ECHDC1: variants seen among roughly 807,000 people sequenced by gnomAD.
ECHDC1 encodes ethylmalonyl-CoA decarboxylase 1, also known as ethylmalonyl-CoA decarboxylase.
ECHDC1 carries 29 observed loss-of-function variants against 29.7 expected under a neutral mutation model. The observed-to-expected ratio is 0.98, with a 90% CI of 0.73 to 1.33. The LOEUF is 1.33. Among genes scored for constraint, ECHDC1 ranks in the 40% most tolerant of loss-of-function variants. The probability of loss-of-function intolerance (pLI) is 0.00; values close to 1 mark genes in which losing one functional copy is unlikely to be tolerated. For missense variants in ECHDC1, 328 were observed against 350.0 expected, an observed-to-expected ratio of 0.94 and a Z score of 0.50; for synonymous variants, 126 against 123.1, an observed-to-expected ratio of 1.02 and a Z score of -0.15.
chr6:127,316,983 C>T (rs1159317612), intron 3 of ECHDC1, among the ~76,000 whole-genome samples: 4 of 151,996 alleles, frequency 2.6e-5, no homozygotes, highest in Admixed American at 6.6e-5. Context: ...AAACTCATTG[C>T]CTTGTCTTTT....
intron 1 of ECHDC1, among the ~76,000 whole-genome samples, chr6:127,340,060 T>C (rs191163390): frequency 6.6e-6 from 1 of 152,308 alleles, no homozygotes; most frequent in Non-Finnish European, 1.5e-5. Flanking sequence ...ATAATCTCTA[T>C]TGGATCACTA....
chr6:127,314,665 T>C, intron 5 of ECHDC1, 151 bp downstream of exon 5: 2 of 598,046 alleles, frequency 3.3e-6, no homozygotes, highest in Non-Finnish European at 5.7e-6. Context: ...ATTAAAATTA[T>C]CTACTTTAAT....
At chr6:127,301,280 C>A (rs1335339649) in intron 5 of ECHDC1, among the ~76,000 whole-genome samples, 1 of 152,084 alleles carries the variant, frequency 6.6e-6, no homozygotes, top group Non-Finnish European at 1.5e-5. Context: ...GGGAAGGGGA[C>A]AGTGTTAGAA....
chr6:127,308,901 A>C (rs10457490), intron 5 of ECHDC1, among the ~76,000 whole-genome samples: 319 of 152,338 alleles, frequency 2.1e-3, no homozygotes, highest in Non-Finnish European at 3.6e-3. Context: ...TTAACCAAGG[A>C]AGTGAAACAT....
chr6:127,326,239 C>T (rs1175135146), intron 3 of ECHDC1, among the ~76,000 whole-genome samples: 1 of 152,048 alleles, frequency 6.6e-6, no homozygotes, highest in Non-Finnish European at 1.5e-5. Context: ...TCTCATGAGA[C>T]CTTGTTGTTT....
chr6:127,336,878 T>C (rs976974655), intron 1 of ECHDC1, among the ~76,000 whole-genome samples: 2 of 152,208 alleles, frequency 1.3e-5, no homozygotes, highest in East Asian at 1.9e-4. Context: ...CAAAATCTCT[T>C]AGCTAGTGGA....
intron 5 of ECHDC1, among the ~76,000 whole-genome samples, chr6:127,312,461 CTTCCATTGCTCATGAGAATAAAAATTATA>C (rs1475880578): frequency 6.6e-6 from 1 of 152,170 alleles, no homozygotes; most frequent in East Asian, 1.9e-4. Flanking sequence ...CTGGAACTTT[CTTCCATTGCTCATGAGAATAAAAATTATA>C]CAACCCACCT....
chr6:127,314,330 A>G (rs1654323837), intron 5 of ECHDC1, among the ~76,000 whole-genome samples: 1 of 152,160 alleles, frequency 6.6e-6, no homozygotes, highest in Non-Finnish European at 1.5e-5. Context: ...AACTTTCTCT[A>G]TTTTTAGTCC....
chr6:127,305,712 C>T (rs1781387712), intron 5 of ECHDC1, among the ~76,000 whole-genome samples: 1 of 152,034 alleles, frequency 6.6e-6, no homozygotes, highest in South Asian at 2.1e-4. Context: ...TTTATCCAAA[C>T]AATGTTCAGT....
intron 4 of ECHDC1, 44 bp downstream of exon 4, chr6:127,316,406 T>G: frequency 6.6e-7 from 1 of 1,511,034 alleles, no homozygotes; most frequent in Non-Finnish European, 9.0e-7. Flanking sequence ...AAAAGCTATT[T>G]TTGGTCTTTT....
rs1583006259 is a variant in ECHDC1, at chr6:127,331,941, C to T, written c.-2-911G>A. ...TCCCCAAGGTTCTGTCACTTTTCTC[C>T]TCTTAATTTTTACCTCCTGAGTAAT... On this transcript the variant is annotated intron_variant, in intron 1 of 5. Coordinates refer to ENST00000454859, the MANE Select transcript of ECHDC1 (RefSeq NM_001002030.2). The T allele has an allele frequency of 4.3e-6, 4 of 937,802 alleles. No homozygotes were observed. The Admixed American group carries it at 2.5e-4, about 58-fold the overall frequency. The allele number at this position is 937,802 out of a possible 1,614,324, so 58.1% of individuals were successfully genotyped here.
intron 3 of ECHDC1, among the ~76,000 whole-genome samples, chr6:127,319,717 T>C (rs1257688626): frequency 6.6e-6 from 1 of 152,174 alleles, no homozygotes; most frequent in Non-Finnish European, 1.5e-5. Flanking sequence ...AGCTGAGAAG[T>C]ACTAAAACAA....
intron 5 of ECHDC1, among the ~76,000 whole-genome samples, chr6:127,302,589 G>A (rs918859949): frequency 5.3e-5 from 8 of 151,746 alleles, no homozygotes; most frequent in South Asian, 2.1e-4. Context: ...TAGTAGAGAC[G>A]GGTTTTCACC....
At chr6:127,336,828 C>T (rs940945377) in intron 1 of ECHDC1, among the ~76,000 whole-genome samples, 1 of 152,160 alleles carries the variant, frequency 6.6e-6, no homozygotes, top group African/African-American at 2.4e-5. Flanking sequence ...ATTTTAGACA[C>T]TTTCTAAGTT....
chr6:127,309,406 A>T (rs370884041), intron 5 of ECHDC1, among the ~76,000 whole-genome samples: 2 of 151,952 alleles, frequency 1.3e-5, no homozygotes, highest in East Asian at 3.9e-4. Context: ...ATGAAATTAG[A>T]CCCCTATCTA....
At chr6:127,294,333 G>A (rs1446227738) in intron 5 of ECHDC1, among the ~76,000 whole-genome samples, 1 of 152,126 alleles carries the variant, frequency 6.6e-6, no homozygotes, top group East Asian at 1.9e-4. Flanking sequence ...TATAGAATTC[G>A]CAACAGCATC....
In ECHDC1 at chr6:127,289,747, G is replaced by GT. The variant is rs1450014341; in HGVS notation, c.*121dup. 2.4e-5 allele frequency: 24 copies of GT among 998,886 alleles called. No individual in the cohort carries two copies. Among genetic ancestry groups the GT allele is most frequent in the Non-Finnish European group, 3.1e-5 (22 of 703,400 alleles). The allele number at this position is 998,886 out of a possible 1,614,324, so 61.9% of individuals were successfully genotyped here. ...AGTTCAGATATTCAAATGATTAAAA[G>GT]TAAGTCTGCATATTAATAGTAGCCT... is the stretch of plus-strand genomic sequence containing the variant. On this transcript the variant is annotated 3_prime_UTR_variant, in exon 6 of 6. Transcript: ENST00000454859.
intron 1 of ECHDC1, chr6:127,342,500 G>A (rs1295885385): frequency 2.4e-5 from 20 of 850,536 alleles, no homozygotes; most frequent in Non-Finnish European, 3.3e-5. Context: ...CTATTACTGC[G>A]CTGCTCCCTC....
At chr6:127,336,205 G>A (rs1784411324) in intron 1 of ECHDC1, among the ~76,000 whole-genome samples, 1 of 152,028 alleles carries the variant, frequency 6.6e-6, no homozygotes, top group Non-Finnish European at 1.5e-5. Context: ...GCAATAATAG[G>A]TACTTTACCA....
Sources: allele counts gnomAD v4.1 joint callset (sites outside exome capture counted in the v4.1 genomes callset), GRCh38; gene constraint gnomAD v4.1.1; transcripts MANE v1.5; gene names NCBI Gene and HGNC (gene_info 2026-07-23, HGNC 2026-07-21).